SLC2A9: variants seen among roughly 807,000 people sequenced by gnomAD.
The protein encoded by SLC2A9 is solute carrier family 2, facilitated glucose transporter member 9.
SLC2A9 carries 39 observed loss-of-function variants against 50.6 expected under a neutral mutation model. The observed-to-expected ratio is 0.77, with a 90% confidence interval of 0.60 to 1.01. The LOEUF (loss-of-function observed/expected upper bound fraction) is 1.01, where lower values mean the gene tolerates loss of function less well. SLC2A9 is among the 50% of genes least tolerant of loss of function. SLC2A9 has a pLI of 0.00. For synonymous variants in SLC2A9, 324 were observed against 276.9 expected (o/e 1.17, Z -1.69); for missense variants, 686 against 677.6 (o/e 1.01, Z -0.14).
At chr4:9,836,893 TAA>T (rs1727200649) in intron 10 of SLC2A9, among the ~76,000 whole-genome samples, 1 of 152,062 alleles carries the variant, frequency 6.6e-6, no homozygotes, top group African/African-American at 2.4e-5. Context: ...TCCATTGAGG[TAA>T]AGCTTTCAAG....
intron 1 of SLC2A9, among the ~76,000 whole-genome samples, chr4:10,020,077 A>T (rs866091382): frequency 4.5e-4 from 59 of 129,940 alleles, no homozygotes; most frequent in African/African-American, 1.5e-3. Context: ...TGTGTGTTGT[A>T]GGCGCCAGGC....
At chr4:9,843,401 G>T (rs1337167192) in intron 10 of SLC2A9, among the ~76,000 whole-genome samples, 5 of 152,118 alleles carry the variant, frequency 3.3e-5, no homozygotes, top group Non-Finnish European at 7.3e-5. Flanking sequence ...CTAGCATTAA[G>T]AACATGGGGT....
intron 3 of SLC2A9, among the ~76,000 whole-genome samples, chr4:9,784,485 A>G (rs1417490062): frequency 1.3e-5 from 2 of 152,246 alleles, no homozygotes; most frequent in African/African-American, 4.8e-5. Context: ...GTGAATCAAG[A>G]TGCTTTAAAA....
chr4:9,778,327 C>T (rs1717855441), downstream of SLC2A9, among the ~76,000 whole-genome samples: 1 of 152,006 alleles, frequency 6.6e-6, no homozygotes, highest in Non-Finnish European at 1.5e-5. Context: ...ACCATGTTGG[C>T]CAGGCTCTTC....
intron 3 of SLC2A9, among the ~76,000 whole-genome samples, chr4:9,987,009 G>C (rs1446987061): frequency 6.6e-6 from 1 of 152,158 alleles, no homozygotes; most frequent in Admixed American, 6.5e-5. Flanking sequence ...TAAGTACTTT[G>C]CATTAGTAGC....
intron 10 of SLC2A9, among the ~76,000 whole-genome samples, chr4:9,860,550 AC>A (rs1299506871): frequency 1.3e-5 from 2 of 152,256 alleles, no homozygotes; most frequent in African/African-American, 4.8e-5. Context: ...CTTCCCCAGG[AC>A]AGGACTGACT....
chr4:9,836,086 C>CT (rs1381007334), intron 10 of SLC2A9, among the ~76,000 whole-genome samples: 1 of 43,692 alleles, frequency 2.3e-5, no homozygotes, highest in Non-Finnish European at 4.0e-5. Flanking sequence ...GAAACTCCCT[C>CT]TCAAAAAAAA....
intron 10 of SLC2A9, among the ~76,000 whole-genome samples, chr4:9,872,193 AC>A (rs1487274554): frequency 6.6e-6 from 1 of 152,162 alleles, no homozygotes; most frequent in Non-Finnish European, 1.5e-5. Flanking sequence ...AGGGACAGGG[AC>A]TTGTCCAACT....
At chr4:9,929,013 C>T (rs992578643) in intron 6 of SLC2A9, among the ~76,000 whole-genome samples, 1 of 152,228 alleles carries the variant, frequency 6.6e-6, no homozygotes. Flanking sequence ...CAGGTTGAAG[C>T]CGCTTCATCA....
intron 3 of SLC2A9, among the ~76,000 whole-genome samples, chr4:9,818,593 A>C (rs1020387513): frequency 9.2e-5 from 14 of 152,170 alleles, no homozygotes; most frequent in Non-Finnish European, 1.5e-5. Flanking sequence ...TTTTCACTAA[A>C]CTGGCTTAGC....
intron 8 of SLC2A9, among the ~76,000 whole-genome samples, chr4:9,901,566 TA>T (rs1739620134): frequency 3.3e-5 from 5 of 152,160 alleles, no homozygotes; most frequent in African/African-American, 1.2e-4. Flanking sequence ...CCCTGTCCAC[TA>T]AAAGCCTTAT....
At chr4:9,911,061 A>G (rs1448755891) in intron 7 of SLC2A9, among the ~76,000 whole-genome samples, 2 of 152,100 alleles carry the variant, frequency 1.3e-5, no homozygotes, top group East Asian at 1.9e-4. Context: ...TGACAGGTTG[A>G]TGGGTGCAGC....
chr4:9,771,754 C>T (rs1333569221), intron 1 of SLC2A9, among the ~76,000 whole-genome samples: 1 of 152,182 alleles, frequency 6.6e-6, no homozygotes, highest in African/African-American at 2.4e-5. Flanking sequence ...CAGAGGGTGG[C>T]TACTACCCTG....
chr4:9,855,722 G>T (rs929407428), intron 10 of SLC2A9, among the ~76,000 whole-genome samples: 5 of 152,066 alleles, frequency 3.3e-5, no homozygotes, highest in Non-Finnish European at 5.9e-5. Flanking sequence ...ATACTACAAG[G>T]CTACAGTAAC....
chr4:9,900,600 G>A (rs767613579), intron 8 of SLC2A9, among the ~76,000 whole-genome samples: 12 of 152,112 alleles, frequency 7.9e-5, no homozygotes, highest in Non-Finnish European at 7.3e-5. Flanking sequence ...CTCACCCCAT[G>A]AGGATAACCT....
chr4:10,002,987 T>C (rs1178902496), intron 2 of SLC2A9, among the ~76,000 whole-genome samples: 2 of 152,166 alleles, frequency 1.3e-5, no homozygotes, highest in African/African-American at 4.8e-5. Flanking sequence ...ACAGTGATGA[T>C]TGCTAAGCGC....
intron 11 of SLC2A9, 93 bp downstream of exon 11, chr4:9,834,788 G>A (rs1327154264): frequency 5.1e-6 from 8 of 1,572,054 alleles, no homozygotes; most frequent in Non-Finnish European, 5.2e-6. Context: ...CCAGTTGAGA[G>A]GAGAGAGATC....
At chr4:9,886,374 G>C (rs976114254) in intron 10 of SLC2A9, among the ~76,000 whole-genome samples, 1 of 151,840 alleles carries the variant, frequency 6.6e-6, no homozygotes, top group Non-Finnish European at 1.5e-5. Flanking sequence ...CCCTGCCTGG[G>C]AGGTGCTTGC....
chr4:9,998,380 C>T (rs1759123632), intron 2 of SLC2A9, among the ~76,000 whole-genome samples: 2 of 152,164 alleles, frequency 1.3e-5, no homozygotes, highest in South Asian at 4.1e-4. Context: ...GTTTTCTTAT[C>T]TGCAAAATGG....
Sources: allele counts gnomAD v4.1 joint callset (sites outside exome capture counted in the v4.1 genomes callset), GRCh38; gene constraint gnomAD v4.1.1; transcripts MANE v1.5; gene names NCBI Gene and HGNC (gene_info 2026-07-23, HGNC 2026-07-21).